Variants in DAB1 observed in about 807,000 individuals in gnomAD.
The protein encoded by DAB1 is DAB adaptor protein 1.
Under a neutral mutation model 64.6 loss-of-function variants are expected in DAB1, and 15 were observed. That is an observed-to-expected ratio of 0.23 (90% CI 0.16 to 0.36). DAB1 has a LOEUF of 0.36. Ranked by LOEUF, DAB1 falls within the 10% of genes least tolerant of loss-of-function variation. The pLI is 1.00. For synonymous variants in DAB1, 235 were observed against 251.9 expected, an observed-to-expected ratio of 0.93 and a Z score of 0.64; for missense variants, 596 against 706.7, an observed-to-expected ratio of 0.84 and a Z score of 1.78.
intron 2 of DAB1, among the ~76,000 whole-genome samples, chr1:57,242,107 G>A (rs569618874): frequency 3.9e-5 from 6 of 152,278 alleles, no homozygotes; most frequent in African/African-American, 1.2e-4. Flanking sequence ...TATATGAAAA[G>A]GGATCACAAG....
intron 4 of DAB1, among the ~76,000 whole-genome samples, chr1:58,293,191 T>C (rs760954032): frequency 6.6e-6 from 1 of 152,188 alleles, no homozygotes; most frequent in African/African-American, 2.4e-5. Flanking sequence ...GTTAGGTAGT[T>C]AGATGGAAGT....
At chr1:57,730,903 G>A (rs1647383079) in intron 6 of DAB1, among the ~76,000 whole-genome samples, 1 of 152,158 alleles carries the variant, frequency 6.6e-6, no homozygotes, top group African/African-American at 2.4e-5. Context: ...CATCCTCTAT[G>A]GAAAATGATA....
At chr1:58,305,011 G>A (rs1251371568) in intron 4 of DAB1, among the ~76,000 whole-genome samples, 1 of 151,878 alleles carries the variant, frequency 6.6e-6, no homozygotes. Context: ...AGGAGGTCTT[G>A]CTATGCTGCC....
chr1:57,453,345 T>C (rs183104582), intron 7 of DAB1, among the ~76,000 whole-genome samples: 35 of 152,328 alleles, frequency 2.3e-4, no homozygotes, highest in African/African-American at 7.5e-4. Flanking sequence ...GAAGTGCTTT[T>C]AAATAAGACT....
chr1:57,974,184 T>G (rs761882133), intron 5 of DAB1, among the ~76,000 whole-genome samples: 32 of 152,158 alleles, frequency 2.1e-4, no homozygotes, highest in Non-Finnish European at 4.4e-4. Flanking sequence ...CTCATTTAGA[T>G]TTCAGCTCAG....
chr1:57,985,284 ATTTT>A (rs574425162), intron 5 of DAB1, among the ~76,000 whole-genome samples: 13 of 152,066 alleles, frequency 8.5e-5, no homozygotes, highest in Non-Finnish European at 1.8e-4. Context: ...TCATATTACA[ATTTT>A]TCTATGTACT....
chr1:58,062,758 C>T (rs1027255315), intron 5 of DAB1, among the ~76,000 whole-genome samples: 3 of 152,132 alleles, frequency 2.0e-5, no homozygotes, highest in East Asian at 3.9e-4. Flanking sequence ...GTTTCTCAGC[C>T]CTGAGATGAG....
chr1:58,195,658 T>C (rs545226763), intron 4 of DAB1, among the ~76,000 whole-genome samples: 1 of 152,202 alleles, frequency 6.6e-6, no homozygotes, highest in Non-Finnish European at 1.5e-5. Flanking sequence ...AAGTATATGA[T>C]TCAGGACTGG....
intron 7 of DAB1, among the ~76,000 whole-genome samples, chr1:57,574,096 T>C (rs1446495812): frequency 6.6e-6 from 1 of 152,194 alleles, no homozygotes; most frequent in African/African-American, 2.4e-5. Context: ...TGCAATATCC[T>C]GGGGATTTTT....
rs115069928 is a variant in DAB1, at chr1:58,169,197, C to T, written n.310-18609G>A. ...CCAGGGACCGTTGCAGGTTCTTGGG[C>T]AAGAGGCATTTCTGCTGCTGCATCA... On this transcript the variant is annotated intron_variant and non_coding_transcript_variant, in intron 4 of 20. Transcript: ENST00000485760. Among the ~76,000 whole-genome samples, 1,009 of 152,094 alleles carry T rather than the reference C, an allele frequency of 6.6e-3. 11 individuals carry two copies. The highest frequency in any genetic ancestry group is 0.024 in the African/African-American group (979 of 41,484).
intron 4 of DAB1, among the ~76,000 whole-genome samples, chr1:58,223,372 T>C (rs1659282177): frequency 6.6e-6 from 1 of 152,282 alleles, no homozygotes; most frequent in Middle Eastern, 3.4e-3. Context: ...GAGTTTCTGA[T>C]GAAAGAACGC....
intron 4 of DAB1, among the ~76,000 whole-genome samples, chr1:58,154,749 G>T (rs1655129995): frequency 6.6e-6 from 1 of 152,164 alleles, no homozygotes; most frequent in Non-Finnish European, 1.5e-5. Flanking sequence ...GGAATGGAAG[G>T]AGAGGAGAGA....
chr1:57,957,181 C>G (rs1311751365), intron 5 of DAB1, among the ~76,000 whole-genome samples: 1 of 152,030 alleles, frequency 6.6e-6, no homozygotes, highest in Non-Finnish European at 1.5e-5. Flanking sequence ...TGTCGAGGAC[C>G]AGGTAAGAAG....
At chr1:58,542,990 T>TTAA (rs372514731) in intron 1 of DAB1, among the ~76,000 whole-genome samples, 25 of 145,296 alleles carry the variant, frequency 1.7e-4, no homozygotes, top group African/African-American at 4.3e-4. Context: ...AAAGCTTTTT[T>TTAA]AAAAAAAAAA....
At chr1:57,041,853 C>G (rs1218670917) in intron 9 of DAB1, among the ~76,000 whole-genome samples, 1 of 152,094 alleles carries the variant, frequency 6.6e-6, no homozygotes, top group South Asian at 2.1e-4. Context: ...AATCTCTAAC[C>G]CAACTCATCC....
chr1:58,116,024 CA>C (rs1317219275), intron 5 of DAB1, among the ~76,000 whole-genome samples: 31 of 149,460 alleles, frequency 2.1e-4, no homozygotes, highest in Admixed American at 1.3e-3. Flanking sequence ...TTCATCTATA[CA>C]AAAAAAATAA....
chr1:58,148,522 T>C (rs572100196), intron 5 of DAB1, among the ~76,000 whole-genome samples: 16 of 152,348 alleles, frequency 1.1e-4, no homozygotes, highest in African/African-American at 3.4e-4. Flanking sequence ...CTTTCGATCA[T>C]TGTATTAGTC....
At chr1:58,162,339 CT>C (rs973552387) in intron 4 of DAB1, among the ~76,000 whole-genome samples, 4 of 151,982 alleles carry the variant, frequency 2.6e-5, no homozygotes, top group Admixed American at 6.6e-5. Context: ...ACCTTGTTTT[CT>C]TTTTTTTCTC....
At chr1:57,256,234 G>A (rs1258080452) in intron 2 of DAB1, among the ~76,000 whole-genome samples, 1 of 152,104 alleles carries the variant, frequency 6.6e-6, no homozygotes, top group African/African-American at 2.4e-5. Flanking sequence ...TTCCTTAAAT[G>A]ATACTCAAAA....
Sources: allele counts gnomAD v4.1 joint callset (sites outside exome capture counted in the v4.1 genomes callset), GRCh38; gene constraint gnomAD v4.1.1; transcripts MANE v1.5; gene names NCBI Gene and HGNC (gene_info 2026-07-23, HGNC 2026-07-21).